Variants in ASGR2 observed in about 807,000 individuals in gnomAD.
ASGR2 encodes the protein C-type lectin domain family 4 member H2.
In ASGR2, 34 loss-of-function variants were observed where a neutral mutation model predicts 32.3. That is an observed-to-expected ratio of 1.05 (90% CI 0.80 to 1.40). ASGR2 has a LOEUF of 1.40. ASGR2 is among the 40% of genes most tolerant of loss of function. ASGR2 has a pLI of 0.00. For missense variants in ASGR2, 385 were observed against 386.4 expected, an observed-to-expected ratio of 1.00 and a Z score of 0.03; for synonymous variants, 143 against 150.0, an observed-to-expected ratio of 0.95 and a Z score of 0.34.
upstream of ASGR2, chr17:7,115,114 T>C: frequency 1.4e-6 from 1 of 694,060 alleles, no homozygotes; most frequent in Non-Finnish European, 1.8e-6. The surrounding 1 kb of genome is among the most constrained non-coding windows in gnomAD (Gnocchi z 4.2). Context: ...TTCTCTACTC[T>C]TGCCCAATCC....
rs779680699 is a variant in ASGR2, at chr17:7,114,148, C to T, written c.93G>A (p.Leu31=). 6.2e-7 allele frequency: 1 copy of T among 1,614,106 alleles called. No individual in the cohort carries two copies. Among genetic ancestry groups the T allele is most frequent in the African/African-American group, 1.3e-5 (1 of 74,942 alleles). The part of the protein sequence containing the change: ...HQGEGPGTRR[L]NPRRGNPFLK... ...AAAATGGATTTCCTCTCCTGGGATT[C>T]AGCCTGCGAGTGCCTGGCCCCTCAC... The change falls in exon 2 of 9, where the codon CTG becomes CTA. Residue 31 remains leucine (L), a synonymous_variant. Coordinates refer to ENST00000691900, the MANE Select transcript of ASGR2 (RefSeq NM_001201352.2). This position sits in a 1 kb window ranked among gnomAD's most constrained non-coding sequence, Gnocchi z 4.5.
At position 7,113,152 on chromosome 17, in the gene ASGR2, A is replaced by G. The variant is rs1914931774; in HGVS notation, c.124+965T>C. Among the ~76,000 whole-genome samples the G allele has an allele frequency of 6.6e-6, 1 of 151,942 alleles. No individual in the cohort carries two copies. Among genetic ancestry groups the G allele is most frequent in the African/African-American group, 2.4e-5 (1 of 41,334 alleles). On this transcript the variant is annotated intron_variant, in intron 2 of 8. Coordinates refer to ENST00000691900, the MANE Select transcript of ASGR2 (RefSeq NM_001201352.2). The surrounding 1 kb of genome is among the most constrained non-coding windows in gnomAD (Gnocchi z 5.1). ...CCTGTCTCTAAAAAAAAAATGTCCA[A>G]GATACTTAGGTCCTTCAGTCAAGAT...
chr17:7,101,981 G>C, intron 8 of ASGR2, 109 bp downstream of exon 8: 1 of 1,207,572 alleles, frequency 8.3e-7, no homozygotes, highest in Non-Finnish European at 1.2e-6. Flanking sequence ...GGGAGGAGAG[G>C]ATTGGGGAAT....
chr17:7,108,746 T>C lies in ASGR2; in HGVS notation c.241+26A>G. On this transcript the variant is annotated intron_variant, in intron 3 of 8. Coordinates refer to ENST00000691900, the MANE Select transcript of ASGR2 (RefSeq NM_001201352.2). This position sits in a 1 kb window ranked among gnomAD's most constrained non-coding sequence, Gnocchi z 4.9. The stretch of plus-strand genomic sequence containing the variant: ...TGTCTCTTTCCCTACCCCTTGCCCA[T>C]CCCTGCTGGCCCCCGTGACCCTCAC... 6.2e-7 allele frequency: 1 copy of C among 1,613,894 alleles called. No individual in the cohort carries two copies. The highest frequency in any genetic ancestry group is 1.1e-5 in the South Asian group (1 of 91,064).
rs748825333 is a variant in ASGR2 at position 7,107,759 on chromosome 17, C to A, written c.409+77G>T. ...CACGCACACGTGCACACTACACACA[C>A]CGCACACGTACACACTACACACACC... is the stretch of plus-strand genomic sequence containing the variant. On this transcript the variant is annotated intron_variant, in intron 5 of 8. Transcript: ENST00000691900. The surrounding 1 kb of genome is among the most constrained non-coding windows in gnomAD (Gnocchi z 5.0). 3.8e-6 allele frequency: 2 copies of A among 529,042 alleles called. No individual in the cohort carries two copies. Among genetic ancestry groups the A allele is most frequent in the Non-Finnish European group, 2.9e-6 (1 of 340,594 alleles). The allele number at this position is 529,042 out of a possible 1,614,324, so 32.8% of individuals were successfully genotyped here.
At chr17:7,105,133 C>A (rs557608291) in intron 7 of ASGR2, among the ~76,000 whole-genome samples, 1 of 151,788 alleles carries the variant, frequency 6.6e-6, no homozygotes, top group Non-Finnish European at 1.5e-5. Flanking sequence ...TAATTTTCAG[C>A]CTATTATTTA....
Position 7,107,784 on chromosome 17 carries a change from C to T in ASGR2, c.409+52G>A, listed in dbSNP as rs562513021. On this transcript the variant is annotated intron_variant, in intron 5 of 8. Coordinates refer to ENST00000691900, the MANE Select transcript of ASGR2 (RefSeq NM_001201352.2). This position sits in a 1 kb window ranked among gnomAD's most constrained non-coding sequence, Gnocchi z 5.0. ...CCGCACACGTACACACTACACACAC[C>T]GCACACGTACACATGCACGCACATG... 45 of 1,517,594 alleles carry T rather than the reference C, an allele frequency of 3.0e-5. No individual in the cohort carries two copies. The highest frequency in any genetic ancestry group is 1.7e-4 in the Middle Eastern group (1 of 5,910). 94.0% of individuals were successfully genotyped at this position (1,517,594 alleles called of 1,614,324 possible).
intron 7 of ASGR2, among the ~76,000 whole-genome samples, chr17:7,105,642 G>A (rs1374723132): frequency 1.3e-5 from 2 of 152,074 alleles, no homozygotes; most frequent in Admixed American, 6.6e-5. Flanking sequence ...TCATGCCACT[G>A]CACTCCAACC....
Position 7,108,899 on chromosome 17 carries a change from G to A in ASGR2, c.125-11C>T. On this transcript the variant is annotated splice_polypyrimidine_tract_variant and intron_variant, in intron 2 of 8. Coordinates refer to ENST00000691900, the MANE Select transcript of ASGR2 (RefSeq NM_001201352.2). This position sits in a 1 kb window ranked among gnomAD's most constrained non-coding sequence, Gnocchi z 4.9. ...GGGCAGGAGGTGGCCCTGTGGGAGAGGGGCATCAGGAGCCGGCAGCCTGGG... is the reference window on the plus strand; with the variant it reads ...GGGCAGGAGGTGGCCCTGTGGGAGAAGGGCATCAGGAGCCGGCAGCCTGGG... The A allele has an allele frequency of 1.9e-6, 3 of 1,564,986 alleles. No individual in the cohort carries two copies. The highest frequency in any genetic ancestry group is 1.7e-6 in the Non-Finnish European group (2 of 1,155,250).
Position 7,108,965 on chromosome 17 carries a change from A to T in ASGR2, c.125-77T>A. ...GGTAAAGACAGGGCACCGAAGCCTGAGGAGGCATAACCTGGGCGGGGGGAT... is the reference window on the plus strand; with the variant it reads ...GGTAAAGACAGGGCACCGAAGCCTGTGGAGGCATAACCTGGGCGGGGGGAT... On this transcript the variant is annotated intron_variant, in intron 2 of 8. Transcript: ENST00000691900. The surrounding 1 kb of genome is among the most constrained non-coding windows in gnomAD (Gnocchi z 4.9). 14 of 1,193,880 alleles carry T rather than the reference A, an allele frequency of 1.2e-5. No individual in the cohort carries two copies. Among genetic ancestry groups the T allele is most frequent in the East Asian group, 4.9e-5 (1 of 20,476 alleles). The allele number at this position is 1,193,880 out of a possible 1,614,324, so 74.0% of individuals were successfully genotyped here. A position where few individuals can be genotyped will look rare whatever the true frequency, so the allele number is the denominator to read the frequency against.
intron 2 of ASGR2, among the ~76,000 whole-genome samples, chr17:7,111,536 G>T (rs1482841623): frequency 6.6e-6 from 1 of 151,854 alleles, no homozygotes; most frequent in Admixed American, 6.6e-5. Context: ...GGCGCCTGTA[G>T]TCCCAGCTAC....
At chr17:7,103,785 T>TTTA (rs1567758087) in intron 7 of ASGR2, among the ~76,000 whole-genome samples, 1 of 152,136 alleles carries the variant, frequency 6.6e-6, no homozygotes, top group East Asian at 1.9e-4. Context: ...CAGTTTCTTT[T>TTTA]TTATTATTAT....
chr17:7,107,581 A>G lies in ASGR2; in HGVS notation c.409+255T>C. ...CACACATATACCATACCGCACACAC[A>G]CAGACTCATCTCACACACACCACCA... is the stretch of plus-strand genomic sequence containing the variant. On this transcript the variant is annotated intron_variant, in intron 5 of 8. Transcript: ENST00000691900. This position sits in a 1 kb window ranked among gnomAD's most constrained non-coding sequence, Gnocchi z 5.0. The G allele has an allele frequency of 1.6e-6, 1 of 639,850 alleles. No homozygotes were observed. Among genetic ancestry groups the G allele is most frequent in the South Asian group, 1.8e-5 (1 of 55,010 alleles). The allele number at this position is 639,850 out of a possible 1,614,324, so 39.6% of individuals were successfully genotyped here.
chr17:7,112,212 G>A (rs1281569154), intron 2 of ASGR2, among the ~76,000 whole-genome samples: 2 of 136,688 alleles, frequency 1.5e-5, no homozygotes, highest in Non-Finnish European at 3.2e-5. Flanking sequence ...CTTAATACAT[G>A]CATAATTGAA....
At chr17:7,104,348 T>TAA (rs71383461) in intron 7 of ASGR2, among the ~76,000 whole-genome samples, 22,362 of 79,524 alleles carry the variant, frequency 0.28, 3,465 homozygotes, top group Admixed American at 0.38. Context: ...AACTCTGTCT[T>TAA]AAAAAAAAAA....
chr17:7,110,349 G>C (rs975051822), intron 2 of ASGR2, among the ~76,000 whole-genome samples: 1 of 148,126 alleles, frequency 6.8e-6, no homozygotes, highest in Non-Finnish European at 1.5e-5. Context: ...ATCCAGAAGC[G>C]CTCCATGACC....
chr17:7,107,446 C>A lies in ASGR2; in HGVS notation c.410-129G>T. The A allele has an allele frequency of 1.1e-6, 1 of 876,372 alleles. No homozygotes were observed. Among genetic ancestry groups the A allele is most frequent in the Non-Finnish European group, 1.8e-6 (1 of 556,796 alleles). 54.3% of individuals were successfully genotyped at this position (876,372 alleles called of 1,614,324 possible). A position where few individuals can be genotyped will look rare whatever the true frequency, so the allele number is the denominator to read the frequency against. On this transcript the variant is annotated intron_variant, in intron 5 of 8. Transcript: ENST00000691900. This position sits in a 1 kb window ranked among gnomAD's most constrained non-coding sequence, Gnocchi z 5.0. ...TGCATAGACCACACCACACACCATA[C>A]CACACACACACCACAGACATGTACA...
In ASGR2 at chr17:7,107,769, ACACACTACACACACCGCACACG is replaced by A. The variant is rs775251176; in HGVS notation, c.409+45_409+66del. The A allele has an allele frequency of 4.4e-3, 2,141 of 492,066 alleles. 58 individuals carry two copies. In the South Asian group the frequency reaches 0.063, roughly 15 times the overall value. The allele number at this position is 492,066 out of a possible 1,614,324, so 30.5% of individuals were successfully genotyped here. Reference sequence around the variant, plus strand: ...TGCACACTACACACACCGCACACGTACACACTACACACACCGCACACGTACACATGCACGCACATGCGCACAC... The same window carrying A: ...TGCACACTACACACACCGCACACGTATACACATGCACGCACATGCGCACAC... On this transcript the variant is annotated intron_variant, in intron 5 of 8. Transcript: ENST00000691900. This position sits in a 1 kb window ranked among gnomAD's most constrained non-coding sequence, Gnocchi z 5.0.
Position 7,107,792 on chromosome 17 carries a change from T to C in ASGR2, c.409+44A>G, listed in dbSNP as rs2151720205. 6.6e-7 allele frequency: 1 copy of C among 1,510,228 alleles called. No homozygotes were observed. The highest frequency in any genetic ancestry group is 8.9e-7 in the Non-Finnish European group (1 of 1,122,576). 93.6% of individuals were successfully genotyped at this position (1,510,228 alleles called of 1,614,324 possible). On this transcript the variant is annotated intron_variant, in intron 5 of 8. Transcript: ENST00000691900. The surrounding 1 kb of genome is among the most constrained non-coding windows in gnomAD (Gnocchi z 5.0). ...GTACACACTACACACACCGCACACG[T>C]ACACATGCACGCACATGCGCACACA...
Sources: gnomAD v4.1 joint callset for allele counts (sites outside exome capture counted in the v4.1 genomes callset) on GRCh38, gnomAD v4.1.1 for gene constraint, Gnocchi (gnomAD v3.1) non-coding constraint, MANE v1.5 for transcripts, NCBI Gene and HGNC (gene_info 2026-07-23, HGNC 2026-07-21) for gene names.